Variants in RASGRF1 observed in about 807,000 individuals in gnomAD.
RASGRF1 encodes the protein Ras protein specific guanine nucleotide releasing factor 1.
RASGRF1 carries 40 observed loss-of-function variants against 138.7 expected under a neutral mutation model. The observed-to-expected ratio is 0.29, with a 90% CI of 0.22 to 0.38. The LOEUF (loss-of-function observed/expected upper bound fraction) is 0.38. RASGRF1 is among the 10% of genes least tolerant of loss of function. The pLI is 1.00. For missense variants in RASGRF1, 1,108 were observed against 1,650.4 expected (o/e 0.67, Z 5.69); for synonymous variants, 614 against 663.2 (o/e 0.93, Z 1.14).
chr15:79,049,894 A>G (rs1260761873), intron 3 of RASGRF1, among the ~76,000 whole-genome samples: 1 of 152,122 alleles, frequency 6.6e-6, no homozygotes. Flanking sequence ...TAGCCACCTC[A>G]TTTGTAATCT....
chr15:78,969,134 A>G (rs901514495), intron 26 of RASGRF1, among the ~76,000 whole-genome samples: 1 of 152,168 alleles, frequency 6.6e-6, no homozygotes, highest in Non-Finnish European at 1.5e-5. Context: ...AAATGTTCCA[A>G]TGTTACCATT....
chr15:78,988,727 T>C (rs1176404884), intron 22 of RASGRF1, among the ~76,000 whole-genome samples: 1 of 152,012 alleles, frequency 6.6e-6, no homozygotes, highest in African/African-American at 2.4e-5. Context: ...CTCAGAAGAA[T>C]GAGGATGCTG....
chr15:79,086,351 G>C (rs2057979745), intron 1 of RASGRF1, among the ~76,000 whole-genome samples: 1 of 152,218 alleles, frequency 6.6e-6, no homozygotes. Flanking sequence ...TACAGAGTGA[G>C]AAAGCCAGAG....
chr15:79,070,562 T>C (rs1035863646), intron 1 of RASGRF1, among the ~76,000 whole-genome samples: 1 of 152,154 alleles, frequency 6.6e-6, no homozygotes. Flanking sequence ...GGAAATGCTA[T>C]TGTTGGTAAT....
Position 79,036,332 on chromosome 15 carries a change from G to A in RASGRF1, c.879-1122C>T, listed in dbSNP as rs1201929538. Among the ~76,000 whole-genome samples, 2 of 152,200 alleles carry A rather than the reference G, an allele frequency of 1.3e-5. 1 individual carries two copies. The highest frequency in any genetic ancestry group is 4.8e-5 in the African/African-American group (2 of 41,452). On this transcript the variant is annotated intron_variant, in intron 5 of 26. Transcript: ENST00000558480. ...GTGAGTACCTCAGGAGTCAGGGACA[G>A]CCCTGAGCCTTTGGGCCGGACCCTC...
chr15:78,965,101 G>T (rs1408275743), intron 26 of RASGRF1, among the ~76,000 whole-genome samples: 1 of 152,106 alleles, frequency 6.6e-6, no homozygotes, highest in African/African-American at 2.4e-5. Context: ...CCTCAACTAA[G>T]TGTTTAAATC....
intron 1 of RASGRF1, among the ~76,000 whole-genome samples, chr15:79,082,947 C>T (rs2057932590): frequency 1.3e-5 from 2 of 152,190 alleles, no homozygotes; most frequent in African/African-American, 4.8e-5. Context: ...GCCAAAGCCC[C>T]AGCTGCTGCA....
rs536172690 is a variant in RASGRF1, at chr15:79,006,696, C to T, written c.1827-262G>A. 1.4e-4 allele frequency among the ~76,000 whole-genome samples: 21 copies of T among 152,328 alleles called. No individual in the cohort carries two copies. Among genetic ancestry groups the T allele is most frequent in the East Asian group, 5.8e-4 (3 of 5,192 alleles). ...AACATTTGTTGTTGAGTTCACAAGACGTAAGGAACTCTGTTTACACAAATG... is the reference window on the plus strand; with the variant it reads ...AACATTTGTTGTTGAGTTCACAAGATGTAAGGAACTCTGTTTACACAAATG... On this transcript the variant is annotated intron_variant, in intron 13 of 26. Transcript: ENST00000558480. The surrounding 1 kb of genome is among the most constrained non-coding windows in gnomAD (Gnocchi z 4.0).
chr15:79,045,588 C>T (rs760350856), intron 5 of RASGRF1, among the ~76,000 whole-genome samples: 43 of 152,222 alleles, frequency 2.8e-4, no homozygotes, highest in Non-Finnish European at 5.7e-4. Context: ...TTCCTTCTCT[C>T]TCTGTCCCCC....
chr15:79,039,503 T>A (rs2057268092), intron 5 of RASGRF1, among the ~76,000 whole-genome samples: 1 of 152,152 alleles, frequency 6.6e-6, no homozygotes. Flanking sequence ...TCTGTTTGTA[T>A]GCATTCATTC....
Position 78,962,135 on chromosome 15 carries a change from G to A in RASGRF1, c.*9C>T. 1 of 1,525,588 alleles carries A rather than the reference G, an allele frequency of 6.6e-7. No individual in the cohort carries two copies. Among genetic ancestry groups the A allele is most frequent in the Non-Finnish European group, 9.0e-7 (1 of 1,110,010 alleles). The allele number at this position is 1,525,588 out of a possible 1,614,324, so 94.5% of individuals were successfully genotyped here. On this transcript the variant is annotated 3_prime_UTR_variant, in exon 27 of 27. Coordinates refer to ENST00000558480, the MANE Select transcript of RASGRF1 (RefSeq NM_001145648.3). ...CCCGGGAGCAGCTGGGTCTGGGCTGGGCTCAGCTTCAGGTGGGGAGTTTTG... is the reference window on the plus strand; with the variant it reads ...CCCGGGAGCAGCTGGGTCTGGGCTGAGCTCAGCTTCAGGTGGGGAGTTTTG...
In RASGRF1 at chr15:79,022,651, GCTAATAAATAATGA is replaced by G. The variant is rs534586481; in HGVS notation, c.1543-2561_1543-2548del. Among the ~76,000 whole-genome samples, 5 of 152,250 alleles carry G rather than the reference GCTAATAAATAATGA, an allele frequency of 3.3e-5. No individual in the cohort carries two copies. In the South Asian group the frequency reaches 8.3e-4, roughly 25 times the overall value. On this transcript the variant is annotated intron_variant, in intron 10 of 26. Coordinates refer to ENST00000558480, the MANE Select transcript of RASGRF1 (RefSeq NM_001145648.3). ...AGATCTTATCAGTAGAAACTCCAGA[GCTAATAAATAATGA>G]AAGCGTTCCTTGACACATAATTTGG...
At chr15:79,064,398 T>C (rs749864056) in intron 2 of RASGRF1, 22 bp downstream of exon 2, 7 of 1,608,050 alleles carry the variant, frequency 4.4e-6, no homozygotes, top group East Asian at 2.2e-5. Context: ...AGGGGCTTCC[T>C]GCCCTGGGCA....
At position 78,971,836 on chromosome 15, in the gene RASGRF1, T is replaced by C. The variant is rs1318285413; in HGVS notation, c.3681+30A>G. On this transcript the variant is annotated intron_variant, in intron 26 of 26. Coordinates refer to ENST00000558480, the MANE Select transcript of RASGRF1 (RefSeq NM_001145648.3). Reference sequence around the variant, plus strand: ...CCTAGACAGAGCCACTGTGAAAGCATGCAAGTGACCAGGAAAAGGCACAGC... The same window carrying C: ...CCTAGACAGAGCCACTGTGAAAGCACGCAAGTGACCAGGAAAAGGCACAGC... 15 of 1,538,118 alleles carry C rather than the reference T, an allele frequency of 9.8e-6. No individual in the cohort carries two copies. The Admixed American group carries it at 1.7e-4, about 17-fold the overall frequency.
intron 26 of RASGRF1, among the ~76,000 whole-genome samples, chr15:78,969,828 A>G (rs1317277429): frequency 6.6e-6 from 1 of 152,088 alleles, no homozygotes; most frequent in Non-Finnish European, 1.5e-5. Context: ...CCTCTAGAAC[A>G]CAAGCTCGTG....
intron 20 of RASGRF1, among the ~76,000 whole-genome samples, chr15:78,994,177 C>T (rs1280578974): frequency 6.6e-6 from 1 of 152,206 alleles, no homozygotes; most frequent in Non-Finnish European, 1.5e-5. Context: ...GTACTTCCGT[C>T]TTGGGGTTTA....
intron 11 of RASGRF1, 80 bp from the exon 12 acceptor site, chr15:79,017,986 G>C: frequency 6.5e-7 from 1 of 1,545,442 alleles, no homozygotes; most frequent in Admixed American, 1.9e-5. Context: ...GGTCCCTGTC[G>C]TACGTACCAG....
At position 79,025,340 on chromosome 15, in the gene RASGRF1, A is replaced by G; in HGVS notation, c.1516T>C (p.Ser506Pro). 2 of 1,611,900 alleles carry G rather than the reference A, an allele frequency of 1.2e-6. No individual in the cohort carries two copies. The highest frequency in any genetic ancestry group is 1.7e-6 in the Non-Finnish European group (2 of 1,178,490). The part of the protein sequence containing the change: ...SKHLIICTRG[S>P]GGKLHLTKNG... ...TTGGTCAAGTGAAGCTTCCCTCCAG[A>G]GCCTCTGGTACAGATAATCAGATGC... The change falls in exon 10 of 27, where the codon TCT (serine) becomes CCT (proline). Residue 506 changes from serine (S) to proline (P), a missense_variant. Coordinates refer to ENST00000558480, the MANE Select transcript of RASGRF1 (RefSeq NM_001145648.3).
chr15:79,034,108 T>C (rs1458333068), intron 6 of RASGRF1, among the ~76,000 whole-genome samples: 1 of 152,198 alleles, frequency 6.6e-6, no homozygotes, highest in African/African-American at 2.4e-5. Context: ...TAGTGCCTAC[T>C]TCCCCCTGGG....
Sources: allele counts gnomAD v4.1 joint callset (sites outside exome capture counted in the v4.1 genomes callset), GRCh38; gene constraint gnomAD v4.1.1; non-coding constraint Gnocchi (gnomAD v3.1); transcripts MANE v1.5; gene names NCBI Gene and HGNC (gene_info 2026-07-23, HGNC 2026-07-21).